Variants in ADAMTS12 observed in about 807,000 individuals in gnomAD.
The protein encoded by ADAMTS12 is ADAM metallopeptidase with thrombospondin type 1 motif 12, also known as A disintegrin and metalloproteinase with thrombospondin motifs 12.
Under a neutral mutation model 167.8 loss-of-function variants are expected in ADAMTS12, and 118 were observed. The observed-to-expected ratio is 0.70, with a 90% confidence interval of 0.61 to 0.82. ADAMTS12 has a LOEUF of 0.82. Among genes scored for constraint, ADAMTS12 ranks in the 40% least tolerant of loss-of-function variants. The pLI is 0.00. For synonymous variants in ADAMTS12, 704 were observed against 716.9 expected, an observed-to-expected ratio of 0.98 and a Z score of 0.29; for missense variants, 1,916 against 1,998.8, an observed-to-expected ratio of 0.96 and a Z score of 0.79.
intron 2 of ADAMTS12, among the ~76,000 whole-genome samples, chr5:33,848,976 T>A (rs1219588109): frequency 2.0e-5 from 3 of 149,880 alleles, no homozygotes; most frequent in Non-Finnish European, 3.0e-5. Flanking sequence ...ATGTATTGCA[T>A]AGCAATATAT....
At chr5:33,724,545 C>CTTTTTTT (rs763501455) in intron 3 of ADAMTS12, among the ~76,000 whole-genome samples, 2 of 132,758 alleles carry the variant, frequency 1.5e-5, no homozygotes, top group African/African-American at 2.8e-5. Context: ...CTAACAGCTT[C>CTTTTTTT]TTTTTTTTTT....
chr5:33,600,670 G>A (rs544343481), intron 16 of ADAMTS12, among the ~76,000 whole-genome samples: 1 of 152,116 alleles, frequency 6.6e-6, no homozygotes, highest in South Asian at 2.1e-4. Flanking sequence ...TTAAAATACT[G>A]TTAAGGTCTC....
intron 13 of ADAMTS12, among the ~76,000 whole-genome samples, chr5:33,628,220 A>G (rs551805472): frequency 1.3e-5 from 2 of 152,192 alleles, no homozygotes; most frequent in East Asian, 1.9e-4. Context: ...CAGGAGAAAG[A>G]GGGGAGAGAG....
intron 2 of ADAMTS12, among the ~76,000 whole-genome samples, chr5:33,754,036 G>A (rs1745085982): frequency 6.6e-6 from 1 of 152,126 alleles, no homozygotes; most frequent in African/African-American, 2.4e-5. Flanking sequence ...TTCCTCATCT[G>A]AGCTCTGCAC....
intron 22 of ADAMTS12, among the ~76,000 whole-genome samples, chr5:33,540,016 G>A (rs1246472909): frequency 2.6e-5 from 4 of 152,204 alleles, no homozygotes; most frequent in East Asian, 3.9e-4. Flanking sequence ...CGCTTCACCC[G>A]GGAAGTGCAA....
intron 16 of ADAMTS12, among the ~76,000 whole-genome samples, chr5:33,597,944 G>A (rs565322899): frequency 6.6e-5 from 10 of 152,282 alleles, no homozygotes; most frequent in East Asian, 1.9e-4. Flanking sequence ...GAAACATTCC[G>A]AAAAGGCTTG....
At chr5:33,882,724 T>G (rs900216007) in intron 1 of ADAMTS12, among the ~76,000 whole-genome samples, 2 of 152,166 alleles carry the variant, frequency 1.3e-5, no homozygotes, top group Non-Finnish European at 2.9e-5. Context: ...CCTAAGTAGC[T>G]GGGATTACAG....
At position 33,694,581 on chromosome 5, in the gene ADAMTS12, A is replaced by G. The variant is rs181344458; in HGVS notation, c.635-10526T>C. Among the ~76,000 whole-genome samples, 3 of 152,332 alleles carry G rather than the reference A, an allele frequency of 2.0e-5. No individual in the cohort carries two copies. The East Asian group carries it at 5.8e-4, about 29-fold the overall frequency. On this transcript the variant is annotated intron_variant, in intron 3 of 23. Coordinates refer to ENST00000504830, the MANE Select transcript of ADAMTS12 (RefSeq NM_030955.4). ...TTCTACTAAGGAACTACTGACACAT[A>G]AAGTATAAAGGGAAAGACTGAACGC...
intron 2 of ADAMTS12, among the ~76,000 whole-genome samples, chr5:33,783,593 C>G (rs1746222904): frequency 6.6e-6 from 1 of 151,880 alleles, no homozygotes; most frequent in South Asian, 2.1e-4. Flanking sequence ...GGGATATTAG[C>G]TGTAATTCTG....
At chr5:33,748,005 G>C (rs1744850287) in intron 3 of ADAMTS12, among the ~76,000 whole-genome samples, 1 of 152,168 alleles carries the variant, frequency 6.6e-6, no homozygotes, top group Non-Finnish European at 1.5e-5. Flanking sequence ...AAGCATGTAT[G>C]CCAGGAGCCA....
chr5:33,531,831 G>A (rs1403806802), intron 23 of ADAMTS12, among the ~76,000 whole-genome samples: 2 of 152,214 alleles, frequency 1.3e-5, no homozygotes, highest in Non-Finnish European at 2.9e-5. Flanking sequence ...TACATGCAAG[G>A]TCCTGGGGCC....
chr5:33,699,350 G>T (rs1742908214), intron 3 of ADAMTS12, among the ~76,000 whole-genome samples: 1 of 150,482 alleles, frequency 6.6e-6, no homozygotes, highest in East Asian at 2.0e-4. Context: ...TAATAATTGG[G>T]AATTAACAGG....
At chr5:33,800,165 C>G (rs1746944623) in intron 2 of ADAMTS12, among the ~76,000 whole-genome samples, 1 of 152,180 alleles carries the variant, frequency 6.6e-6, no homozygotes, top group African/African-American at 2.4e-5. Context: ...ACACACACTT[C>G]AATTTGGTGA....
intron 16 of ADAMTS12, among the ~76,000 whole-genome samples, chr5:33,598,188 T>C (rs1738006495): frequency 6.6e-6 from 1 of 152,116 alleles, no homozygotes; most frequent in Non-Finnish European, 1.5e-5. Flanking sequence ...TGACCATTAC[T>C]CTTCTCTCAG....
intron 3 of ADAMTS12, among the ~76,000 whole-genome samples, chr5:33,715,918 A>G (rs761774863): frequency 1.3e-5 from 2 of 152,148 alleles, no homozygotes; most frequent in African/African-American, 2.4e-5. Flanking sequence ...GGGGACTATA[A>G]CTTTGTTTGA....
chr5:33,530,841 C>T (rs556270794), intron 23 of ADAMTS12, among the ~76,000 whole-genome samples: 12 of 152,300 alleles, frequency 7.9e-5, no homozygotes, highest in African/African-American at 1.4e-4. Context: ...GGAGGCCCCC[C>T]AAAGGTTGTG....
intron 3 of ADAMTS12, among the ~76,000 whole-genome samples, chr5:33,723,790 G>A (rs1423480): frequency 0.53 from 81,009 of 152,026 alleles, 24,986 homozygotes; most frequent in Non-Finnish European, 0.71. Context: ...CCTGTGCATG[G>A]ATGTGCCATG....
At chr5:33,567,069 G>A (rs1746050710) in intron 19 of ADAMTS12, among the ~76,000 whole-genome samples, 1 of 152,182 alleles carries the variant, frequency 6.6e-6, no homozygotes, top group African/African-American at 2.4e-5. Context: ...CTCTTCTGGT[G>A]AGACATTACT....
chr5:33,882,412 A>G (rs1226128980), intron 1 of ADAMTS12, among the ~76,000 whole-genome samples: 1 of 152,186 alleles, frequency 6.6e-6, no homozygotes. Flanking sequence ...AAAATGCAAG[A>G]CTGGAACCCT....
Sources: gnomAD v4.1 joint callset for allele counts (sites outside exome capture counted in the v4.1 genomes callset) on GRCh38, gnomAD v4.1.1 for gene constraint, MANE v1.5 for transcripts, NCBI Gene and HGNC (gene_info 2026-07-23, HGNC 2026-07-21) for gene names.